DACH2: variants seen among roughly 807,000 people sequenced by gnomAD.
The protein encoded by DACH2 is dachshund family transcription factor 2.
A neutral mutation model predicts 35.8 loss-of-function variants in DACH2; 17 were observed. That is an observed-to-expected ratio of 0.48 (90% confidence interval 0.33 to 0.71). DACH2 has a LOEUF of 0.71. DACH2 is among the 30% of genes least tolerant of loss of function. The pLI is 0.02. For synonymous variants in DACH2, 195 were observed against 177.3 expected, an observed-to-expected ratio of 1.10 and a Z score of -0.79; for missense variants, 469 against 472.7, an observed-to-expected ratio of 0.99 and a Z score of 0.07.
chrX:86,598,730 G>A (rs111643675), intron 3 of DACH2, among the ~76,000 whole-genome samples: 2 of 109,344 alleles, frequency 1.8e-5, no homozygotes, highest in African/African-American at 6.7e-5. Flanking sequence ...GTACCCTTAA[G>A]TTTGAACTTC....
intron 4 of DACH2, among the ~76,000 whole-genome samples, chrX:86,676,096 C>A (rs780915152): frequency 1.8e-5 from 2 of 111,710 alleles, no homozygotes; most frequent in South Asian, 3.7e-4. Flanking sequence ...CATATTATTT[C>A]TTTGATTTTA....
chrX:86,564,456 CACTT>C (rs35748707), intron 3 of DACH2, among the ~76,000 whole-genome samples: 18,268 of 110,703 alleles, frequency 0.17, 1,509 homozygotes, highest in African/African-American at 0.32. Flanking sequence ...GACCTAATAA[CACTT>C]GCAAGTGCAG....
At chrX:86,553,437 T>G (rs1272982459) in intron 3 of DACH2, among the ~76,000 whole-genome samples, 2 of 111,542 alleles carry the variant, frequency 1.8e-5, no homozygotes, top group Admixed American at 9.5e-5. Context: ...ACTCAAATGT[T>G]AATCTCCTTT....
At chrX:86,711,517 T>G (rs377366131) in intron 5 of DACH2, among the ~76,000 whole-genome samples, 3 of 112,862 alleles carry the variant, frequency 2.7e-5, no homozygotes, top group South Asian at 7.3e-4. Context: ...AGATTTGTCT[T>G]TATTACCATG....
At chrX:86,423,341 T>C (rs1469822170) in intron 2 of DACH2, among the ~76,000 whole-genome samples, 1 of 111,043 alleles carries the variant, frequency 9.0e-6, no homozygotes, top group Admixed American at 9.6e-5. Context: ...TTATTGCCTG[T>C]CTTTTGGATA....
Position 86,781,065 on chromosome X carries a change from C to T in DACH2, c.1241-31791C>T, listed in dbSNP as rs141465790. On this transcript the variant is annotated intron_variant, in intron 7 of 11. Coordinates refer to ENST00000373125, the MANE Select transcript of DACH2 (RefSeq NM_053281.3). ...TCATCACGGTTCTCCCACGCATCCC[C>T]GTTCCAAGTTTCAGGGTCCTATTCT... Among the ~76,000 whole-genome samples, 3 of 111,534 alleles carry T rather than the reference C, an allele frequency of 2.7e-5. No homozygotes were observed. In the Admixed American group the frequency reaches 2.9e-4, roughly 11 times the overall value.
chrX:86,166,856 G>A lies in DACH2; in HGVS notation c.488+17748G>A, dbSNP rs759373189. Among the ~76,000 whole-genome samples the A allele has an allele frequency of 2.7e-5, 3 of 111,649 alleles. No homozygotes were observed. In the East Asian group the frequency reaches 8.4e-4, roughly 31 times the overall value. On this transcript the variant is annotated intron_variant, in intron 1 of 11. Transcript: ENST00000373125. Reference sequence around the variant, plus strand: ...TTATTCTTTATTCTGTTGACATGATGTGTCAAAACGATTGATTTGTATATG... The same window carrying A: ...TTATTCTTTATTCTGTTGACATGATATGTCAAAACGATTGATTTGTATATG...
intron 7 of DACH2, among the ~76,000 whole-genome samples, chrX:86,801,604 T>A (rs1213276951): frequency 8.9e-6 from 1 of 112,246 alleles, no homozygotes; most frequent in Non-Finnish European, 1.9e-5. Flanking sequence ...GTGAGCATAT[T>A]GATAAAAATG....
chrX:86,740,539 T>C (rs1188707335), intron 7 of DACH2, among the ~76,000 whole-genome samples: 4 of 81,456 alleles, frequency 4.9e-5, no homozygotes, highest in Admixed American at 3.3e-4. Context: ...GAGTATGATG[T>C]TCCCCTTCCT....
intron 2 of DACH2, among the ~76,000 whole-genome samples, chrX:86,421,120 G>A (rs183755916): frequency 9.9e-5 from 11 of 111,360 alleles, no homozygotes; most frequent in Non-Finnish European, 2.1e-4. Flanking sequence ...ACGTGTACAC[G>A]GATTTTCAGA....
chrX:86,661,386 C>G (rs2040603389), intron 4 of DACH2, among the ~76,000 whole-genome samples: 2 of 112,400 alleles, frequency 1.8e-5, no homozygotes, highest in Non-Finnish European at 3.8e-5. Context: ...ATTGTACTCT[C>G]TGTATGGATT....
intron 2 of DACH2, among the ~76,000 whole-genome samples, chrX:86,461,090 C>G (rs1178045478): frequency 9.0e-6 from 1 of 111,027 alleles, no homozygotes; most frequent in Non-Finnish European, 1.9e-5. Context: ...ATTAAATGGC[C>G]TCACACTGTA....
intron 1 of DACH2, among the ~76,000 whole-genome samples, chrX:86,349,321 C>T (rs898787546): frequency 3.6e-5 from 4 of 110,550 alleles, no homozygotes; most frequent in African/African-American, 1.0e-4. Context: ...TGGTGTCAGC[C>T]GGTACCTGTT....
chrX:86,524,929 G>A (rs190788327), intron 3 of DACH2, among the ~76,000 whole-genome samples: 51 of 111,250 alleles, frequency 4.6e-4, no homozygotes, highest in African/African-American at 1.6e-3. Context: ...CATCTTTAAT[G>A]TCTGTATATG....
chrX:86,446,437 CT>C (rs2037280494), intron 2 of DACH2, among the ~76,000 whole-genome samples: 2 of 60,244 alleles, frequency 3.3e-5, no homozygotes, highest in Non-Finnish European at 6.0e-5. Flanking sequence ...AATGCTATCC[CT>C]CCCCCCTCCC....
chrX:86,747,216 A>T (rs1346882695), intron 7 of DACH2, among the ~76,000 whole-genome samples: 2 of 111,754 alleles, frequency 1.8e-5, no homozygotes, highest in Non-Finnish European at 3.8e-5. Context: ...TTCTGATAAG[A>T]TATCAACTGG....
At chrX:86,522,042 TTTA>T (rs1374746257) in intron 3 of DACH2, among the ~76,000 whole-genome samples, 1 of 111,839 alleles carries the variant, frequency 8.9e-6, no homozygotes, top group Non-Finnish European at 1.9e-5. Flanking sequence ...TTTATCTGAT[TTTA>T]TTTTCTTCTG....
At chrX:86,377,107 A>G (rs892392598) in intron 2 of DACH2, among the ~76,000 whole-genome samples, 1 of 111,633 alleles carries the variant, frequency 9.0e-6, no homozygotes, top group South Asian at 3.6e-4. Flanking sequence ...AGCAGAAGTT[A>G]GAGAAAGGCT....
intron 5 of DACH2, among the ~76,000 whole-genome samples, chrX:86,699,086 A>G (rs1362749831): frequency 8.9e-6 from 1 of 111,903 alleles, no homozygotes; most frequent in Non-Finnish European, 1.9e-5. Flanking sequence ...TACTAGACCT[A>G]GGAAAAGAGG....
Sources: gnomAD v4.1 joint callset for allele counts (sites outside exome capture counted in the v4.1 genomes callset) on GRCh38, gnomAD v4.1.1 for gene constraint, MANE v1.5 for transcripts, NCBI Gene and HGNC (gene_info 2026-07-23, HGNC 2026-07-21) for gene names.